CAMK2D: variants seen among roughly 807,000 people sequenced by gnomAD.
CAMK2D encodes the protein calcium/calmodulin-dependent protein kinase type II subunit delta.
Under a neutral mutation model 84.0 loss-of-function variants are expected in CAMK2D, and 37 were observed. The observed-to-expected ratio is 0.44, with a 90% confidence interval of 0.34 to 0.58. CAMK2D has a LOEUF of 0.58. Ranked by LOEUF, CAMK2D falls within the 20% of genes least tolerant of loss-of-function variation. The pLI is 0.02. For synonymous variants in CAMK2D, 202 were observed against 212.5 expected, an observed-to-expected ratio of 0.95 and a Z score of 0.43; for missense variants, 448 against 652.5, an observed-to-expected ratio of 0.69 and a Z score of 3.41.
At chr4:113,693,805 T>C (rs1260612730) in intron 2 of CAMK2D, among the ~76,000 whole-genome samples, 1 of 152,204 alleles carries the variant, frequency 6.6e-6, no homozygotes, top group Admixed American at 6.5e-5. Context: ...TGGAGATTAC[T>C]GAAAGGTAAT....
intron 3 of CAMK2D, among the ~76,000 whole-genome samples, chr4:113,650,320 C>T (rs550753852): frequency 8.6e-5 from 13 of 151,646 alleles, no homozygotes; most frequent in African/African-American, 2.9e-4. Flanking sequence ...GAGTTCGAGA[C>T]CAGCCTGGCC....
chr4:113,503,853 T>C (rs1348727936), intron 14 of CAMK2D, among the ~76,000 whole-genome samples: 2 of 152,172 alleles, frequency 1.3e-5, no homozygotes, highest in Non-Finnish European at 2.9e-5. Flanking sequence ...GTGACATGCT[T>C]GGCACTTTCA....
chr4:113,460,794 T>TC (rs2097363999), intron 17 of CAMK2D, among the ~76,000 whole-genome samples: 1 of 152,070 alleles, frequency 6.6e-6, no homozygotes, highest in Non-Finnish European at 1.5e-5. Context: ...CAAGCAATCC[T>TC]CCCGGCTTAG....
At chr4:113,611,710 TA>T (rs1341665845) in intron 3 of CAMK2D, among the ~76,000 whole-genome samples, 13 of 152,232 alleles carry the variant, frequency 8.5e-5, no homozygotes, top group African/African-American at 3.1e-4. Flanking sequence ...AGAAATCAAT[TA>T]TTTTTTGAAC....
In CAMK2D at chr4:113,495,985, A is replaced by G. The variant is rs577046303; in HGVS notation, c.1135+4478T>C. The stretch of plus-strand genomic sequence containing the variant: ...AGATGGACCATATGGACATGTACCC[A>G]TCAGGAGGAAGTGGGTGACTCTGAA... On this transcript the variant is annotated intron_variant, in intron 16 of 20. Coordinates refer to ENST00000511664, the MANE Select transcript of CAMK2D (RefSeq NM_001321571.2). 3.3e-5 allele frequency among the ~76,000 whole-genome samples: 5 copies of G among 152,334 alleles called. No homozygotes were observed. In the South Asian group the frequency reaches 1.0e-3, roughly 32 times the overall value.
chr4:113,487,253 A>C (rs2097774503), intron 16 of CAMK2D, among the ~76,000 whole-genome samples: 1 of 152,124 alleles, frequency 6.6e-6, no homozygotes, highest in Non-Finnish European at 1.5e-5. Flanking sequence ...CTTTAGACCT[A>C]ATTCCTCCTG....
chr4:113,525,291 G>A (rs1014853025), intron 8 of CAMK2D, among the ~76,000 whole-genome samples: 4 of 152,152 alleles, frequency 2.6e-5, no homozygotes, highest in African/African-American at 9.7e-5. Context: ...CATAGGGTGC[G>A]GGAGAGACCT....
intron 3 of CAMK2D, among the ~76,000 whole-genome samples, chr4:113,640,464 G>A (rs749306389): frequency 3.0e-4 from 45 of 152,126 alleles, no homozygotes; most frequent in Non-Finnish European, 4.3e-4. Flanking sequence ...GTTTCCTTAC[G>A]TACAAGACAG....
At chr4:113,488,608 A>T (rs1181090410) in intron 16 of CAMK2D, among the ~76,000 whole-genome samples, 1 of 152,216 alleles carries the variant, frequency 6.6e-6, no homozygotes, top group African/African-American at 2.4e-5. Flanking sequence ...AATCTGATGG[A>T]AGAAATCTTA....
chr4:113,710,013 T>C (rs980182412), intron 2 of CAMK2D, among the ~76,000 whole-genome samples: 5 of 151,536 alleles, frequency 3.3e-5, no homozygotes, highest in African/African-American at 9.7e-5. Flanking sequence ...GAAATTAGGA[T>C]ATTTGGAAGA....
chr4:113,509,373 A>T (rs72905953), intron 13 of CAMK2D, among the ~76,000 whole-genome samples: 1 of 152,190 alleles, frequency 6.6e-6, no homozygotes, highest in African/African-American at 2.4e-5. Context: ...AAGACATTTA[A>T]TTATTTCTAT....
chr4:113,753,176 C>G (rs187967534), intron 2 of CAMK2D, among the ~76,000 whole-genome samples: 9 of 152,022 alleles, frequency 5.9e-5, no homozygotes, highest in Non-Finnish European at 1.0e-4. Flanking sequence ...TAATATTGTT[C>G]TAGGAGGCTG....
chr4:113,740,810 C>A (rs2148915554), intron 2 of CAMK2D, among the ~76,000 whole-genome samples: 1 of 152,302 alleles, frequency 6.6e-6, no homozygotes, highest in East Asian at 1.9e-4. Flanking sequence ...CTCCCCTAGA[C>A]TGCAAGAGTC....
intron 3 of CAMK2D, among the ~76,000 whole-genome samples, chr4:113,656,053 T>C (rs2099198702): frequency 6.6e-6 from 1 of 152,160 alleles, no homozygotes; most frequent in Admixed American, 6.6e-5. Context: ...GACATATAGC[T>C]CAGAATTTCT....
At chr4:113,668,879 T>A (rs943777718) in intron 2 of CAMK2D, among the ~76,000 whole-genome samples, 16 of 152,210 alleles carry the variant, frequency 1.1e-4, no homozygotes, top group African/African-American at 3.9e-4. Context: ...CTTTTATTCA[T>A]CCATTTTGCA....
At chr4:113,715,343 G>A (rs568088220) in intron 2 of CAMK2D, among the ~76,000 whole-genome samples, 3 of 152,092 alleles carry the variant, frequency 2.0e-5, no homozygotes, top group Non-Finnish European at 4.4e-5. Context: ...TAAAGGAAAT[G>A]TTTCTAGGTT....
chr4:113,487,131 TA>T (rs2097773469), intron 16 of CAMK2D, among the ~76,000 whole-genome samples: 1 of 152,218 alleles, frequency 6.6e-6, no homozygotes, highest in African/African-American at 2.4e-5. Context: ...TTTCACTTGC[TA>T]ATATCTTGCT....
At chr4:113,624,390 T>A (rs1481597901) in intron 3 of CAMK2D, among the ~76,000 whole-genome samples, 1 of 152,224 alleles carries the variant, frequency 6.6e-6, no homozygotes, top group Non-Finnish European at 1.5e-5. Flanking sequence ...TTTTTGCTAA[T>A]TGGCAAAAAA....
At chr4:113,714,140 T>G (rs2099504840) in intron 2 of CAMK2D, among the ~76,000 whole-genome samples, 2 of 152,094 alleles carry the variant, frequency 1.3e-5, no homozygotes, top group African/African-American at 4.8e-5. Flanking sequence ...GTGGATAAAC[T>G]AATTTATCAT....
Sources: allele counts gnomAD v4.1 joint callset (sites outside exome capture counted in the v4.1 genomes callset), GRCh38; gene constraint gnomAD v4.1.1; transcripts MANE v1.5; gene names NCBI Gene and HGNC (gene_info 2026-07-23, HGNC 2026-07-21).